The following ARHGAP26 variants were observed in gnomAD, a reference collection of about 807,000 sequenced individuals.
The protein encoded by ARHGAP26 is Rho GTPase activating protein 26.
ARHGAP26 carries 38 observed loss-of-function variants against 104.8 expected under a neutral mutation model. The ratio of observed to expected loss-of-function variants is 0.36; its 90% confidence interval spans 0.28 to 0.48. The LOEUF (loss-of-function observed/expected upper bound fraction) is 0.48. ARHGAP26 is among the 20% of genes least tolerant of loss of function. The pLI, the probability that ARHGAP26 is intolerant of heterozygous loss-of-function variation, is 0.99. For synonymous variants in ARHGAP26, 341 were observed against 340.0 expected (o/e 1.00, Z -0.03); for missense variants, 704 against 947.9 (o/e 0.74, Z 3.38).
chr5:143,061,778 G>T (rs1285981443), intron 17 of ARHGAP26, among the ~76,000 whole-genome samples: 1 of 152,194 alleles, frequency 6.6e-6, no homozygotes, highest in East Asian at 1.9e-4. Flanking sequence ...CCAGCGTCTT[G>T]TGTTGGCTAG....
intron 1 of ARHGAP26, among the ~76,000 whole-genome samples, chr5:142,785,810 G>A (rs1350003330): frequency 2.0e-5 from 3 of 152,068 alleles, no homozygotes; most frequent in African/African-American, 7.2e-5. Context: ...TAGAAAGCGT[G>A]TTTTCTACCA....
At chr5:142,990,943 T>G (rs1374534399) in intron 11 of ARHGAP26, among the ~76,000 whole-genome samples, 3 of 152,186 alleles carry the variant, frequency 2.0e-5, no homozygotes, top group African/African-American at 7.2e-5. Context: ...CTGTCCATTC[T>G]CAGATCTCAA....
chr5:142,824,146 G>T (rs912048055), intron 1 of ARHGAP26, among the ~76,000 whole-genome samples: 1 of 152,202 alleles, frequency 6.6e-6, no homozygotes, highest in Admixed American at 6.5e-5. Context: ...GTATGTGTGT[G>T]TGTGTGTACA....
intron 3 of ARHGAP26, among the ~76,000 whole-genome samples, chr5:142,877,856 CT>C (rs1756355155): frequency 1.3e-5 from 2 of 152,140 alleles, no homozygotes; most frequent in African/African-American, 4.8e-5. Context: ...GAATCATTGA[CT>C]TTAGGGGCTT....
intron 17 of ARHGAP26, among the ~76,000 whole-genome samples, chr5:143,066,445 G>A (rs1222684592): frequency 6.6e-6 from 1 of 152,136 alleles, no homozygotes; most frequent in African/African-American, 2.4e-5. Context: ...TTAGAGTTGT[G>A]CAGATTAAAT....
In ARHGAP26 at chr5:143,225,361, G is replaced by A; in HGVS notation, c.*2915G>A. Reference sequence around the variant, plus strand: ...AGCCATCACACCCAGCTAGTTTTTTGTATTTTTAGTAAAGATGGGGTTTTG... The same window carrying A: ...AGCCATCACACCCAGCTAGTTTTTTATATTTTTAGTAAAGATGGGGTTTTG... On this transcript the variant is annotated 3_prime_UTR_variant, in exon 23 of 23. Transcript: ENST00000645722. 1 of 182,742 alleles carries A rather than the reference G, an allele frequency of 5.5e-6. No homozygotes were observed. Among genetic ancestry groups the A allele is most frequent in the Non-Finnish European group, 1.2e-5 (1 of 85,938 alleles). The allele number at this position is 182,742 out of a possible 1,614,324, so 11.3% of individuals were successfully genotyped here.
chr5:143,135,216 G>C (rs990574212), intron 19 of ARHGAP26, among the ~76,000 whole-genome samples: 1 of 152,222 alleles, frequency 6.6e-6, no homozygotes, highest in African/African-American at 2.4e-5. Flanking sequence ...GCAGTGAGTG[G>C]CTTGGGAAGT....
chr5:143,119,950 T>C (rs1459709572), intron 17 of ARHGAP26, among the ~76,000 whole-genome samples: 1 of 151,774 alleles, frequency 6.6e-6, no homozygotes, highest in East Asian at 1.9e-4. Context: ...ATTTATAGAA[T>C]TGTGTGAAAA....
chr5:142,779,587 A>G (rs1038103155), intron 1 of ARHGAP26, among the ~76,000 whole-genome samples: 2 of 152,188 alleles, frequency 1.3e-5, no homozygotes, highest in East Asian at 3.8e-4. Flanking sequence ...AAAAACTCCT[A>G]TTTTATATGG....
intron 17 of ARHGAP26, among the ~76,000 whole-genome samples, chr5:143,059,399 C>T (rs770178792): frequency 8.5e-5 from 13 of 152,132 alleles, no homozygotes; most frequent in South Asian, 4.1e-4. Context: ...GCCAGTGTTG[C>T]GTTTTTCCTA....
chr5:142,827,014 C>CTG (rs1767418271), intron 1 of ARHGAP26, among the ~76,000 whole-genome samples: 1 of 152,042 alleles, frequency 6.6e-6, no homozygotes, highest in South Asian at 2.1e-4. Flanking sequence ...GTCACCTCAC[C>CTG]TGTGGCCACT....
intron 3 of ARHGAP26, among the ~76,000 whole-genome samples, chr5:142,877,705 T>G (rs1316065876): frequency 6.6e-6 from 1 of 152,238 alleles, no homozygotes; most frequent in African/African-American, 2.4e-5. Flanking sequence ...CAATCATGGA[T>G]GTCCACTGGA....
At chr5:143,189,897 T>G (rs1445635260) in intron 20 of ARHGAP26, among the ~76,000 whole-genome samples, 1 of 152,166 alleles carries the variant, frequency 6.6e-6, no homozygotes, top group Non-Finnish European at 1.5e-5. Context: ...GTGCCTAGCA[T>G]GTACTAGGTG....
chr5:143,098,595 G>T (rs1231329597), intron 17 of ARHGAP26, among the ~76,000 whole-genome samples: 2 of 151,980 alleles, frequency 1.3e-5, no homozygotes, highest in Admixed American at 1.3e-4. Flanking sequence ...ATCAACAGTG[G>T]GTAGACATGA....
chr5:142,860,886 C>G (rs1233466318), intron 1 of ARHGAP26, among the ~76,000 whole-genome samples: 1 of 152,300 alleles, frequency 6.6e-6, no homozygotes, highest in East Asian at 1.9e-4. Flanking sequence ...GGTATCAGCT[C>G]TCAAACTTCA....
Position 142,850,225 on chromosome 5 carries a change from T to TA in ARHGAP26, c.155-23172dup, listed in dbSNP as rs1751251097. On this transcript the variant is annotated intron_variant, in intron 1 of 22. Coordinates refer to ENST00000645722, the MANE Select transcript of ARHGAP26 (RefSeq NM_001135608.3). The stretch of plus-strand genomic sequence containing the variant: ...AGTGTCCTGCCTCTGTGCTTTTGTT[T>TA]AAATTGTCCCCTCTTCCCATAGGGG... Among the ~76,000 whole-genome samples, 5 of 152,206 alleles carry TA rather than the reference T, an allele frequency of 3.3e-5. No homozygotes were observed. The South Asian group carries it at 8.3e-4, about 25-fold the overall frequency.
intron 12 of ARHGAP26, among the ~76,000 whole-genome samples, chr5:143,029,160 G>A (rs1284247451): frequency 1.3e-5 from 2 of 152,082 alleles, no homozygotes; most frequent in African/African-American, 4.8e-5. Flanking sequence ...TTCTTCAGGT[G>A]GAATTTATGT....
chr5:142,942,594 T>C (rs1443680951), intron 11 of ARHGAP26, among the ~76,000 whole-genome samples: 1 of 152,200 alleles, frequency 6.6e-6, no homozygotes, highest in Non-Finnish European at 1.5e-5. Context: ...AGGTTTTTTG[T>C]TCCCACTCTC....
chr5:142,917,541 C>T (rs764068105), intron 10 of ARHGAP26, among the ~76,000 whole-genome samples: 1 of 152,190 alleles, frequency 6.6e-6, no homozygotes, highest in South Asian at 2.1e-4. Flanking sequence ...GCAAATTTGC[C>T]TCTCTTCTTA....
Sources: gnomAD v4.1 joint callset for allele counts (sites outside exome capture counted in the v4.1 genomes callset) on GRCh38, gnomAD v4.1.1 for gene constraint, MANE v1.5 for transcripts, NCBI Gene and HGNC (gene_info 2026-07-23, HGNC 2026-07-21) for gene names.